Variants in DYNC1I2 observed in about 807,000 individuals in gnomAD.
The protein encoded by DYNC1I2 is dynein cytoplasmic 1 intermediate chain 2.
DYNC1I2 carries 53 observed loss-of-function variants against 88.6 expected under a neutral mutation model. That is an observed-to-expected ratio of 0.60 (90% CI 0.48 to 0.75). The LOEUF is 0.75. Among genes scored for constraint, DYNC1I2 ranks in the 30% least tolerant of loss-of-function variants. The pLI is 0.00. For synonymous variants in DYNC1I2, 198 were observed against 254.6 expected, an observed-to-expected ratio of 0.78 and a Z score of 2.12; for missense variants, 458 against 766.6, an observed-to-expected ratio of 0.60 and a Z score of 4.75.
intron 3 of DYNC1I2, among the ~76,000 whole-genome samples, chr2:171,705,889 G>A (rs1167919852): frequency 2.6e-5 from 4 of 151,894 alleles, no homozygotes; most frequent in Non-Finnish European, 5.9e-5. Context: ...GTTAGCCACT[G>A]TATCTTAGGA....
At chr2:171,746,847 C>T (rs985314850) in intron 17 of DYNC1I2, among the ~76,000 whole-genome samples, 9 of 152,024 alleles carry the variant, frequency 5.9e-5, no homozygotes, top group African/African-American at 2.2e-4. Context: ...GGTTTGTGCC[C>T]TAACATGACA....
chr2:171,704,855 C>T (rs1686553687), intron 3 of DYNC1I2, among the ~76,000 whole-genome samples: 1 of 152,146 alleles, frequency 6.6e-6, no homozygotes, highest in Admixed American at 6.5e-5. Context: ...CCAAATAACA[C>T]TATCATTCCC....
Position 171,745,891 on chromosome 2 carries a change from T to C in DYNC1I2, c.1767T>C (p.Asp589=), listed in dbSNP as rs1310553173. The C allele has an allele frequency of 1.2e-6, 2 of 1,613,736 alleles. No individual in the cohort carries two copies. Among genetic ancestry groups the C allele is most frequent in the Admixed American group, 1.7e-5 (1 of 60,006 alleles). ...THSGREIAVG[D]SEGQIVIYDV... ...CTGGCAGAGAGATTGCTGTGGGTGA[T>C]TCTGAAGGACAGATTGTTATATACG... The change falls in exon 17 of 18, where the codon GAT becomes GAC. Residue 589 remains aspartate, a synonymous_variant. Coordinates refer to ENST00000397119, the MANE Select transcript of DYNC1I2 (RefSeq NM_001378.3).
chr2:171,712,640 A>G (rs1687203463), intron 5 of DYNC1I2, 127 bp from the exon 6 acceptor site: 1 of 665,546 alleles, frequency 1.5e-6, no homozygotes, highest in Non-Finnish European at 2.5e-6. Context: ...TTTTTTTAAT[A>G]CTAACCAGAA....
intron 3 of DYNC1I2, among the ~76,000 whole-genome samples, chr2:171,699,524 T>G (rs1009317650): frequency 6.6e-6 from 1 of 152,056 alleles, no homozygotes; most frequent in Non-Finnish European, 1.5e-5. Context: ...AGATTTCCAT[T>G]TTAAAACTGC....
chr2:171,728,601 A>C, intron 13 of DYNC1I2, 116 bp from the exon 14 acceptor site: 1 of 1,024,642 alleles, frequency 9.8e-7, no homozygotes, highest in East Asian at 2.7e-5. Context: ...TGCTTCATTT[A>C]ATTTAGATTT....
chr2:171,746,937 T>G (rs1689823754), intron 17 of DYNC1I2, among the ~76,000 whole-genome samples: 1 of 151,974 alleles, frequency 6.6e-6, no homozygotes, highest in Non-Finnish European at 1.5e-5. Context: ...CTCACACCTG[T>G]AATCCCAGCA....
intron 3 of DYNC1I2, among the ~76,000 whole-genome samples, chr2:171,695,214 C>T (rs562062720): frequency 1.0e-3 from 153 of 152,230 alleles, no homozygotes; most frequent in Admixed American, 3.5e-3. Flanking sequence ...ATTCTCCTGC[C>T]TCAGCCTCCC....
chr2:171,697,401 C>T (rs1043819492), intron 3 of DYNC1I2, among the ~76,000 whole-genome samples: 7 of 152,120 alleles, frequency 4.6e-5, no homozygotes, highest in African/African-American at 1.7e-4. Flanking sequence ...AGAGGGTGGG[C>T]CAATTGGTTT....
chr2:171,688,478 T>G (rs1295656990), intron 1 of DYNC1I2: 1 of 152,184 alleles, frequency 6.6e-6, no homozygotes, highest in Non-Finnish European at 1.5e-5. Flanking sequence ...CAGTTGACGT[T>G]GAACAAAATA....
Position 171,706,567 on chromosome 2 carries a change from A to G in DYNC1I2, c.244+3A>G. 1.9e-6 allele frequency: 3 copies of G among 1,611,930 alleles called. No homozygotes were observed. The highest frequency in any genetic ancestry group is 2.5e-6 in the Non-Finnish European group (3 of 1,178,544). On this transcript the variant is annotated splice_donor_region_variant and intron_variant, in intron 4 of 17. Transcript: ENST00000397119. ...TTCAGTTTTTTCTGAATACTGGGGTAAGGAAGTTCCCATAAGTCTTGCCTT... is the reference window on the plus strand; with the variant it reads ...TTCAGTTTTTTCTGAATACTGGGGTGAGGAAGTTCCCATAAGTCTTGCCTT...
At chr2:171,738,627 T>C (rs1689176663) in intron 15 of DYNC1I2, among the ~76,000 whole-genome samples, 1 of 152,226 alleles carries the variant, frequency 6.6e-6, no homozygotes, top group South Asian at 2.1e-4. Flanking sequence ...TGGAATTACT[T>C]GGTCTTTGAT....
At chr2:171,739,852 C>G (rs905398201) in intron 15 of DYNC1I2, among the ~76,000 whole-genome samples, 1 of 151,750 alleles carries the variant, frequency 6.6e-6, no homozygotes, top group Admixed American at 6.6e-5. Context: ...ATCACAGGCG[C>G]CCGCCACCAT....
intron 4 of DYNC1I2, chr2:171,707,083 A>G (rs1216634631): frequency 1.4e-6 from 1 of 696,044 alleles, no homozygotes; most frequent in Non-Finnish European, 2.4e-6. Flanking sequence ...GAAAAATTGC[A>G]TGAATCTTCA....
In DYNC1I2 at chr2:171,736,691, T is replaced by G. The variant is rs891861905; in HGVS notation, c.1536+6838T>G. Reference sequence around the variant, plus strand: ...TCTTCATTTTCCTTGTAAGACTGTTTCTTTGTATTTCTATTTTAATAGACA... The same window carrying G: ...TCTTCATTTTCCTTGTAAGACTGTTGCTTTGTATTTCTATTTTAATAGACA... On this transcript the variant is annotated intron_variant, in intron 15 of 17. Coordinates refer to ENST00000397119, the MANE Select transcript of DYNC1I2 (RefSeq NM_001378.3). 2.6e-5 allele frequency among the ~76,000 whole-genome samples: 4 copies of G among 152,220 alleles called. No homozygotes were observed. In the East Asian group the frequency reaches 5.8e-4, roughly 22 times the overall value.
In DYNC1I2 at chr2:171,720,567, G is replaced by A. The variant is rs1687831839; in HGVS notation, c.512-5051G>A. On this transcript the variant is annotated intron_variant, in intron 7 of 17. Transcript: ENST00000397119. ...TGGCCAACATGGTGAAACCCCATCT[G>A]TACTGAAAATACAAAAATTAGCCAG... Among the ~76,000 whole-genome samples the A allele has an allele frequency of 2.6e-5, 4 of 152,080 alleles. No homozygotes were observed. The East Asian group carries it at 7.7e-4, about 29-fold the overall frequency.
intron 6 of DYNC1I2, 139 bp from the exon 7 acceptor site, chr2:171,715,189 T>A: frequency 1.9e-6 from 1 of 540,074 alleles, no homozygotes; most frequent in Non-Finnish European, 3.3e-6. Context: ...AAAGCCAATT[T>A]ATTGTTAATC....
Position 171,715,455 on chromosome 2 carries a change from T to G in DYNC1I2, c.511+12T>G, listed in dbSNP as rs768833975. 23 of 1,494,994 alleles carry G rather than the reference T, an allele frequency of 1.5e-5. 1 individual carries two copies. In the South Asian group the frequency reaches 2.8e-4, roughly 18 times the overall value. The allele number at this position is 1,494,994 out of a possible 1,614,324, so 92.6% of individuals were successfully genotyped here. A position where few individuals can be genotyped will look rare whatever the true frequency, so the allele number is the denominator to read the frequency against. ...TCAACCCAAAGAAGGTGAATATCTA[T>G]CCTTAGTATAATTGTCATTGAGCAC... On this transcript the variant is annotated intron_variant, in intron 7 of 17. Coordinates refer to ENST00000397119, the MANE Select transcript of DYNC1I2 (RefSeq NM_001378.3).
intron 7 of DYNC1I2, among the ~76,000 whole-genome samples, chr2:171,720,550 A>G (rs1559386855): frequency 6.6e-6 from 1 of 152,144 alleles, no homozygotes; most frequent in Non-Finnish European, 1.5e-5. Context: ...CTTGGCCAAC[A>G]TGGTGAAACC....
Sources: gnomAD v4.1 joint callset for allele counts (sites outside exome capture counted in the v4.1 genomes callset) on GRCh38, gnomAD v4.1.1 for gene constraint, MANE v1.5 for transcripts, NCBI Gene and HGNC (gene_info 2026-07-23, HGNC 2026-07-21) for gene names.